Variants in TREML2 observed in about 807,000 individuals in gnomAD.
The protein encoded by TREML2 is trem-like transcript 2 protein.
A neutral mutation model predicts 25.9 loss-of-function variants in TREML2; 24 were observed. That is an observed-to-expected ratio of 0.93 (90% CI 0.67 to 1.30). TREML2 has a LOEUF of 1.30. Ranked by LOEUF, TREML2 falls within the 50% of genes most tolerant of loss-of-function variation. The probability of loss-of-function intolerance (pLI) is 0.00; values close to 1 mark genes in which losing one functional copy is unlikely to be tolerated. For missense variants in TREML2, 359 were observed against 395.6 expected, an observed-to-expected ratio of 0.91 and a Z score of 0.78; for synonymous variants, 139 against 155.2, an observed-to-expected ratio of 0.90 and a Z score of 0.77.
In TREML2 at chr6:41,198,426, G is replaced by A. The variant is rs1322379348; in HGVS notation, c.59C>T (p.Pro20Leu). ...TTTTGTGTATACACTGTCAGCAGAG[G>A]GGCCTGTGGAGACAATACTTATTGA... Reference protein sequence around the residue: ...LLWPQGCVSGPSADSVYTKVR... With the variant: ...LLWPQGCVSGLSADSVYTKVR... The change falls in exon 2 of 5, where the codon CCC becomes CTC. Residue 20 changes from proline to leucine, a missense_variant. Transcript: ENST00000483722. 1 of 1,606,952 alleles carries A rather than the reference G, an allele frequency of 6.2e-7. No individual in the cohort carries two copies. Among genetic ancestry groups the A allele is most frequent in the Non-Finnish European group, 8.5e-7 (1 of 1,174,874 alleles).
chr6:41,192,046 G>A lies in TREML2; in HGVS notation c.*381C>T. 4.6e-6 allele frequency: 1 copy of A among 219,624 alleles called. No homozygotes were observed. The highest frequency in any genetic ancestry group is 8.8e-5 in the South Asian group (1 of 11,342). The allele number at this position is 219,624 out of a possible 1,614,324, so 13.6% of individuals were successfully genotyped here. On this transcript the variant is annotated 3_prime_UTR_variant, in exon 5 of 5. Coordinates refer to ENST00000483722, the MANE Select transcript of TREML2 (RefSeq NM_024807.4). Reference sequence around the variant, plus strand: ...CAGAGGACACAGTGGCCCTGGTGGGGAGGGCAGCTCAGCCCAATAGGGTTT... The same window carrying A: ...CAGAGGACACAGTGGCCCTGGTGGGAAGGGCAGCTCAGCCCAATAGGGTTT...
At chr6:41,196,682 A>C (rs151301180) in intron 2 of TREML2, among the ~76,000 whole-genome samples, 1 of 151,958 alleles carries the variant, frequency 6.6e-6, no homozygotes, top group Admixed American at 6.5e-5. Context: ...CTTACTGTTT[A>C]TCTATGATTC....
At chr6:41,195,536 A>G (rs1435025882) in intron 2 of TREML2, among the ~76,000 whole-genome samples, 2 of 152,182 alleles carry the variant, frequency 1.3e-5, no homozygotes, top group East Asian at 3.8e-4. Flanking sequence ...GGAAAGGGCA[A>G]TTTCCTAAGG....
chr6:41,193,691 G>A (rs1766106706), intron 3 of TREML2, among the ~76,000 whole-genome samples: 1 of 151,372 alleles, frequency 6.6e-6, no homozygotes, highest in Admixed American at 6.6e-5. Flanking sequence ...ACTCCATGAG[G>A]CGCATCCTTG....
rs146962665 is a variant in TREML2 at position 41,191,996 on chromosome 6, G to A, written c.*431C>T. 2,865 of 172,952 alleles carry A rather than the reference G, an allele frequency of 0.017. 87 individuals carry two copies. The highest frequency in any genetic ancestry group is 0.062 in the African/African-American group (2,633 of 42,324). The allele number at this position is 172,952 out of a possible 1,614,324, so 10.7% of individuals were successfully genotyped here. A position where few individuals can be genotyped will look rare whatever the true frequency, so the allele number is the denominator to read the frequency against. On this transcript the variant is annotated 3_prime_UTR_variant, in exon 5 of 5. Coordinates refer to ENST00000483722, the MANE Select transcript of TREML2 (RefSeq NM_024807.4). ...GATTCTTTCTTCCCTAACCTTAGGGGAAGCTGAAGCAGAACGGAGGGAAGC... is the reference window on the plus strand; with the variant it reads ...GATTCTTTCTTCCCTAACCTTAGGGAAAGCTGAAGCAGAACGGAGGGAAGC...
intron 1 of TREML2, among the ~76,000 whole-genome samples, chr6:41,199,011 T>C (rs1003499054): frequency 5.3e-5 from 8 of 152,188 alleles, no homozygotes; most frequent in Non-Finnish European, 1.0e-4. Flanking sequence ...TACAGGTGCC[T>C]GCCACCACGT....
intron 1 of TREML2, among the ~76,000 whole-genome samples, chr6:41,198,895 C>T (rs1201930000): frequency 2.6e-5 from 4 of 152,254 alleles, no homozygotes; most frequent in Non-Finnish European, 4.4e-5. Context: ...CGGAGTCTCG[C>T]TCTGTTGCCC....
rs1470372669 is a variant in TREML2 at position 41,198,398 on chromosome 6, C to T, written c.87G>A (p.Val29=). ...ACAGAGTCTCCCCTTCAAGGAGCCT[C>T]ACTTTTGTGTATACACTGTCAGCAG... ...GPSADSVYTK[V]RLLEGETLSV... The change falls in exon 2 of 5, where the codon GTG becomes GTA. Residue 29 remains valine (V), a synonymous_variant. Transcript: ENST00000483722. The T allele has an allele frequency of 2.5e-6, 4 of 1,613,958 alleles. No homozygotes were observed. The Admixed American group carries it at 6.7e-5, about 27-fold the overall frequency.
intron 1 of TREML2, 107 bp from the exon 2 acceptor site, chr6:41,198,536 C>T: frequency 8.5e-7 from 1 of 1,179,076 alleles, no homozygotes; most frequent in East Asian, 2.4e-5. Flanking sequence ...GTCCTGCTGT[C>T]ACAGAACCCA....
intron 1 of TREML2, among the ~76,000 whole-genome samples, chr6:41,200,518 A>G (rs1158814552): frequency 6.6e-6 from 1 of 152,244 alleles, no homozygotes; most frequent in Non-Finnish European, 1.5e-5. Flanking sequence ...GCATTCACAC[A>G]CTGGTCCCTT....
rs1178893634 is a variant in TREML2 at position 41,194,608 on chromosome 6, C to A, written c.602G>T (p.Gly201Val). The change falls in exon 3 of 5, where the codon GGA becomes GTA. Residue 201 changes from glycine (G) to valine (V), a missense_variant. Transcript: ENST00000483722. The part of the protein sequence containing the change: ...SFTATSTTSQ[G>V]PRRTMGSQTV... Reference sequence around the variant, plus strand: ...CTGGGACCCCATGGTCCTCCTGGGTCCCTGGCTGGTGGTGCTGGTAGCAGT... The same window carrying A: ...CTGGGACCCCATGGTCCTCCTGGGTACCTGGCTGGTGGTGCTGGTAGCAGT... 1.2e-6 allele frequency: 2 copies of A among 1,614,010 alleles called. No individual in the cohort carries two copies. The highest frequency in any genetic ancestry group is 1.7e-6 in the Non-Finnish European group (2 of 1,180,004).
intron 2 of TREML2, among the ~76,000 whole-genome samples, chr6:41,196,097 C>T (rs1224311926): frequency 6.6e-6 from 1 of 152,098 alleles, no homozygotes; most frequent in East Asian, 1.9e-4. Context: ...CAGAAAAGGT[C>T]TGCAAAGTTG....
At chr6:41,197,348 G>C (rs754183857) in intron 2 of TREML2, among the ~76,000 whole-genome samples, 2 of 152,176 alleles carry the variant, frequency 1.3e-5, no homozygotes, top group Admixed American at 6.5e-5. Flanking sequence ...AGGGCTGCTT[G>C]ACTCTCCAAC....
At chr6:41,197,957 G>A (rs1766199908) in intron 2 of TREML2, 152 bp downstream of exon 2, 1 of 697,576 alleles carries the variant, frequency 1.4e-6, no homozygotes. Flanking sequence ...GGTGACAATA[G>A]TGCCACGAAT....
chr6:41,199,092 G>A (rs796454363), intron 1 of TREML2, among the ~76,000 whole-genome samples: 2 of 152,242 alleles, frequency 1.3e-5, no homozygotes, highest in African/African-American at 4.8e-5. Flanking sequence ...TCAATCTCTT[G>A]ACTTCGTGAT....
chr6:41,198,988 G>C (rs1766228794), intron 1 of TREML2, among the ~76,000 whole-genome samples: 1 of 152,214 alleles, frequency 6.6e-6, no homozygotes, highest in South Asian at 2.1e-4. Context: ...TCAGCCTCCT[G>C]AGTAGCTGGG....
At chr6:41,197,363 T>G (rs577306152) in intron 2 of TREML2, among the ~76,000 whole-genome samples, 2 of 152,300 alleles carry the variant, frequency 1.3e-5, no homozygotes, top group South Asian at 4.1e-4. Context: ...TCCAACCTCC[T>G]CATTCATTGC....
At chr6:41,196,249 C>T (rs1766159492) in intron 2 of TREML2, among the ~76,000 whole-genome samples, 1 of 152,214 alleles carries the variant, frequency 6.6e-6, no homozygotes, top group Non-Finnish European at 1.5e-5. Context: ...CCAGTTTCGA[C>T]TTCCCTGGGT....
chr6:41,194,395 G>T, intron 3 of TREML2, 30 bp downstream of exon 3: 9 of 1,514,150 alleles, frequency 5.9e-6, no homozygotes, highest in Non-Finnish European at 8.0e-6. Context: ...CTAAGTGCTG[G>T]TGCCACTCAA....
Sources: allele counts gnomAD v4.1 joint callset (sites outside exome capture counted in the v4.1 genomes callset), GRCh38; gene constraint gnomAD v4.1.1; transcripts MANE v1.5; gene names NCBI Gene and HGNC (gene_info 2026-07-23, HGNC 2026-07-21).